The following COX7B2 variants were observed in gnomAD, a reference collection of about 807,000 sequenced individuals.
COX7B2 encodes cytochrome c oxidase subunit 7B2.
For missense variants in COX7B2, 109 were observed against 95.9 expected (o/e 1.14, Z -0.57); for synonymous variants, 37 against 32.1 (o/e 1.15, Z -0.51).
chr4:46,819,503 C>T (rs1280838434), intron 2 of COX7B2, among the ~76,000 whole-genome samples: 1 of 134,464 alleles, frequency 7.4e-6, no homozygotes, highest in Non-Finnish European at 1.6e-5. Context: ...TTGGGCCACA[C>T]ATAAAATACA....
chr4:46,775,415 C>A (rs368869104), intron 2 of COX7B2, among the ~76,000 whole-genome samples: 1 of 152,040 alleles, frequency 6.6e-6, no homozygotes, highest in African/African-American at 2.4e-5. Flanking sequence ...TCATGGAAAA[C>A]AGAATGCTCA....
At chr4:46,775,079 C>T (rs1047772109) in intron 2 of COX7B2, among the ~76,000 whole-genome samples, 1 of 151,804 alleles carries the variant, frequency 6.6e-6, no homozygotes, top group Non-Finnish European at 1.5e-5. Context: ...ACATAATTAC[C>T]TCAATTCTAG....
chr4:46,876,412 T>A (rs1015285418), intron 1 of COX7B2, among the ~76,000 whole-genome samples: 2 of 150,400 alleles, frequency 1.3e-5, no homozygotes, highest in Admixed American at 1.3e-4. Flanking sequence ...GTCTTTTTTT[T>A]TTTTTTTTTT....
intron 1 of COX7B2, among the ~76,000 whole-genome samples, chr4:46,906,146 A>C (rs940878197): frequency 2.0e-5 from 3 of 152,034 alleles, no homozygotes; most frequent in Non-Finnish European, 4.4e-5. Flanking sequence ...TTTCAATCCT[A>C]TATTACAGTA....
intron 2 of COX7B2, among the ~76,000 whole-genome samples, chr4:46,754,220 C>A (rs1031002533): frequency 6.6e-6 from 1 of 151,862 alleles, no homozygotes; most frequent in Non-Finnish European, 1.5e-5. Flanking sequence ...TAGGTATATA[C>A]CCAAAGGATT....
At chr4:46,804,532 G>A (rs2109638742) in intron 2 of COX7B2, among the ~76,000 whole-genome samples, 1 of 152,288 alleles carries the variant, frequency 6.6e-6, no homozygotes, top group East Asian at 1.9e-4. Context: ...TAGATACAGA[G>A]TGTGGACACA....
At chr4:46,893,436 T>A (rs1334476640) in intron 1 of COX7B2, among the ~76,000 whole-genome samples, 2 of 152,206 alleles carry the variant, frequency 1.3e-5, no homozygotes, top group African/African-American at 4.8e-5. Flanking sequence ...CTGTGAGTTC[T>A]CTAAGGGCAG....
chr4:46,842,971 C>T (rs1054867848), intron 2 of COX7B2, among the ~76,000 whole-genome samples: 5 of 151,910 alleles, frequency 3.3e-5, no homozygotes, highest in African/African-American at 9.7e-5. Flanking sequence ...CCTGAGGAAT[C>T]GCCACACTGA....
intron 2 of COX7B2, among the ~76,000 whole-genome samples, chr4:46,798,132 G>A (rs147704397): frequency 7.9e-5 from 12 of 152,198 alleles, no homozygotes; most frequent in African/African-American, 2.4e-4. Flanking sequence ...CATATCACAC[G>A]TTGAGAAATA....
chr4:46,850,494 T>C (rs1716605245), intron 1 of COX7B2, among the ~76,000 whole-genome samples: 1 of 152,070 alleles, frequency 6.6e-6, no homozygotes, highest in African/African-American at 2.4e-5. Flanking sequence ...ATTCAAATAA[T>C]ATAGATATCT....
At chr4:46,811,127 G>T (rs1465159179) in intron 2 of COX7B2, among the ~76,000 whole-genome samples, 2 of 152,050 alleles carry the variant, frequency 1.3e-5, no homozygotes, top group South Asian at 2.1e-4. Flanking sequence ...TGCCTCAGAA[G>T]GAATCTCTTT....
chr4:46,754,750 G>GTATATATATATATATAT, intron 2 of COX7B2, among the ~76,000 whole-genome samples: 1 of 28,494 alleles, frequency 3.5e-5, no homozygotes, highest in South Asian at 1.4e-3. Context: ...ATATATATAT[G>GTATATATATATATATAT]AAAGAAATCC....
In COX7B2 at chr4:46,819,821, T is replaced by C. The variant is rs78376620; in HGVS notation, c.-50+25139A>G. 2.6e-3 allele frequency among the ~76,000 whole-genome samples: 400 copies of C among 152,352 alleles called. 2 individuals are homozygous for C. Among genetic ancestry groups the C allele is most frequent in the African/African-American group, 9.1e-3 (377 of 41,586 alleles). ...AATAAATAAAATTTTTTCAGTGTCA[T>C]TGTGGCATGGTCACAATTACCTTGA... is the stretch of plus-strand genomic sequence containing the variant. On this transcript the variant is annotated intron_variant, in intron 2 of 2. Coordinates refer to ENST00000355591, the MANE Select transcript of COX7B2 (RefSeq NM_130902.3).
At chr4:46,817,313 G>GAT (rs1300516905) in intron 2 of COX7B2, among the ~76,000 whole-genome samples, 1 of 152,108 alleles carries the variant, frequency 6.6e-6, no homozygotes, top group East Asian at 1.9e-4. Context: ...AACAATTTGG[G>GAT]ATATAGGTAG....
chr4:46,895,539 G>A (rs1351178827), intron 1 of COX7B2, among the ~76,000 whole-genome samples: 2 of 152,052 alleles, frequency 1.3e-5, no homozygotes, highest in Admixed American at 6.6e-5. Flanking sequence ...TAACTATTGG[G>A]TACTAGGCTT....
At chr4:46,747,694 A>C (rs1233326549) in intron 2 of COX7B2, among the ~76,000 whole-genome samples, 1 of 152,178 alleles carries the variant, frequency 6.6e-6, no homozygotes, top group East Asian at 1.9e-4. Context: ...CTTCAAGTGC[A>C]ACCATATATA....
chr4:46,835,500 T>C (rs910558286), intron 2 of COX7B2, among the ~76,000 whole-genome samples: 1 of 150,622 alleles, frequency 6.6e-6, no homozygotes, highest in Non-Finnish European at 1.5e-5. Context: ...GGAAGAAGAG[T>C]CTGACGGCTA....
intron 1 of COX7B2, among the ~76,000 whole-genome samples, chr4:46,871,196 A>C (rs1446447053): frequency 1.3e-5 from 2 of 152,184 alleles, no homozygotes; most frequent in Non-Finnish European, 2.9e-5. Context: ...TTGTGCACCA[A>C]TAACCATATG....
intron 2 of COX7B2, among the ~76,000 whole-genome samples, chr4:46,817,215 T>A (rs1025328908): frequency 1.3e-5 from 2 of 152,184 alleles, no homozygotes; most frequent in South Asian, 2.1e-4. Context: ...ATAGGAAGAA[T>A]TAGAAGGAAA....
Sources: gnomAD v4.1 joint callset for allele counts (sites outside exome capture counted in the v4.1 genomes callset) on GRCh38, gnomAD v4.1.1 for gene constraint, MANE v1.5 for transcripts, NCBI Gene and HGNC (gene_info 2026-07-23, HGNC 2026-07-21) for gene names.